The following OCA2 variants were observed in gnomAD, a reference collection of about 807,000 sequenced individuals.
OCA2 encodes P protein.
Under a neutral mutation model 100.2 loss-of-function variants are expected in OCA2, and 77 were observed. The observed-to-expected ratio is 0.77, with a 90% CI of 0.64 to 0.93. The LOEUF (loss-of-function observed/expected upper bound fraction) is 0.93. Ranked by LOEUF, OCA2 falls within the 40% of genes least tolerant of loss-of-function variation. The pLI is 0.00. For missense variants in OCA2, 1,062 were observed against 1,089.1 expected (o/e 0.98, Z 0.35); for synonymous variants, 432 against 439.2 (o/e 0.98, Z 0.21).
intron 2 of OCA2, among the ~76,000 whole-genome samples, chr15:28,065,330 C>T (rs900758854): frequency 1.6e-4 from 24 of 152,156 alleles, no homozygotes; most frequent in African/African-American, 5.8e-4. Flanking sequence ...GAATCTCCTA[C>T]AGCTTTTGCA....
intron 2 of OCA2, among the ~76,000 whole-genome samples, chr15:28,051,595 C>CTT (rs11292828): frequency 0.095 from 7,829 of 82,508 alleles, 1,127 homozygotes; most frequent in African/African-American, 0.23. Context: ...CCTGGCCTTC[C>CTT]TTTTTTTTTT....
At chr15:27,953,980 G>A (rs2040125686) in intron 17 of OCA2, among the ~76,000 whole-genome samples, 1 of 151,904 alleles carries the variant, frequency 6.6e-6, no homozygotes, top group Non-Finnish European at 1.5e-5. Context: ...TCATAGGTTG[G>A]CTCCCACTTA....
rs142741209 is a variant in OCA2, at chr15:27,829,544, A to T, written c.2432+15415T>A. ...AGATATGCAGTGACAAGGGCCACAG[A>T]CACACTGCCAAGGGGGCTGGCTTCA... is the stretch of plus-strand genomic sequence containing the variant. On this transcript the variant is annotated intron_variant, in intron 23 of 23. Coordinates refer to ENST00000354638, the MANE Select transcript of OCA2 (RefSeq NM_000275.3). 2.6e-5 allele frequency among the ~76,000 whole-genome samples: 4 copies of T among 152,320 alleles called. No homozygotes were observed. The East Asian group carries it at 7.7e-4, about 29-fold the overall frequency.
intron 19 of OCA2, among the ~76,000 whole-genome samples, chr15:27,913,640 CA>C (rs2038485668): frequency 6.6e-6 from 1 of 151,268 alleles, no homozygotes; most frequent in African/African-American, 2.4e-5. Flanking sequence ...AAAGTGGGGC[CA>C]AAACTGCCAT....
At chr15:28,077,223 A>C (rs1414281690) in intron 2 of OCA2, among the ~76,000 whole-genome samples, 6 of 151,770 alleles carry the variant, frequency 4.0e-5, no homozygotes, top group Non-Finnish European at 5.9e-5. Context: ...CCAGGCCCGG[A>C]TAATTTTGTA....
chr15:27,777,588 G>GTA (rs1461216620), intron 23 of OCA2, among the ~76,000 whole-genome samples: 10 of 152,164 alleles, frequency 6.6e-5, no homozygotes, highest in African/African-American at 1.9e-4. Context: ...TTGTCCATGT[G>GTA]CACACATTTT....
chr15:27,977,879 G>A (rs569811198), intron 14 of OCA2, among the ~76,000 whole-genome samples: 23 of 152,324 alleles, frequency 1.5e-4, no homozygotes, highest in African/African-American at 5.3e-4. Context: ...CTGCAAGCCT[G>A]GAAGACAGCC....
At chr15:27,729,677 G>A in the OCA2 span, among the ~76,000 whole-genome samples, 1 of 152,084 alleles carries the variant, frequency 6.6e-6, no homozygotes, top group African/African-American at 2.4e-5. Flanking sequence ...CTCTGCCTAT[G>A]GCGGGAAAAA....
chr15:27,978,709 C>T lies in OCA2; in HGVS notation c.1503+4636G>A, dbSNP rs565425449. On this transcript the variant is annotated intron_variant, in intron 14 of 23. Coordinates refer to ENST00000354638, the MANE Select transcript of OCA2 (RefSeq NM_000275.3). ...AGAGACATTTTTTTTTTTCCTGAGA[C>T]GGAGTTTCACTCGTCACCCAGGCTG... is the stretch of plus-strand genomic sequence containing the variant. 1.3e-4 allele frequency among the ~76,000 whole-genome samples: 20 copies of T among 149,686 alleles called. No homozygotes were observed. The East Asian group carries it at 1.4e-3, about 10-fold the overall frequency.
At chr15:27,942,837 A>C (rs2039698258) in intron 18 of OCA2, among the ~76,000 whole-genome samples, 1 of 152,080 alleles carries the variant, frequency 6.6e-6, no homozygotes, top group Non-Finnish European at 1.5e-5. Context: ...ATATTACTTT[A>C]CATTATGTTA....
intron 9 of OCA2, among the ~76,000 whole-genome samples, chr15:27,997,216 GGAAA>G (rs980451355): frequency 5.1e-4 from 67 of 130,794 alleles, no homozygotes; most frequent in African/African-American, 1.6e-3. Context: ...ATAAAGGAAA[GGAAA>G]GAAAGAAAGG....
intron 19 of OCA2, among the ~76,000 whole-genome samples, chr15:27,901,825 C>G (rs2037948978): frequency 6.6e-6 from 1 of 152,212 alleles, no homozygotes; most frequent in Non-Finnish European, 1.5e-5. Context: ...CAGGTCACAA[C>G]TGTTCAACCC....
intron 9 of OCA2, among the ~76,000 whole-genome samples, chr15:27,993,043 G>A (rs992742372): frequency 6.6e-6 from 1 of 152,164 alleles, no homozygotes; most frequent in Non-Finnish European, 1.5e-5. Context: ...AGAATTGCTT[G>A]AGCCCTGGAG....
intron 5 of OCA2, among the ~76,000 whole-genome samples, chr15:28,023,387 C>T (rs1049155853): frequency 7.2e-5 from 11 of 152,208 alleles, no homozygotes; most frequent in African/African-American, 2.7e-4. Context: ...GCACTGACTT[C>T]GTACACCACC....
chr15:27,726,069 G>C, the OCA2 span, among the ~76,000 whole-genome samples: 1 of 151,930 alleles, frequency 6.6e-6, no homozygotes, highest in Non-Finnish European at 1.5e-5. Context: ...GCCTAAGGCG[G>C]GTGGATCACC....
At chr15:27,818,702 A>G (rs2034398791) in intron 23 of OCA2, among the ~76,000 whole-genome samples, 1 of 152,176 alleles carries the variant, frequency 6.6e-6, no homozygotes, top group South Asian at 2.1e-4. Flanking sequence ...CTGTTGGGAG[A>G]AAACACTCTA....
chr15:27,734,665 C>T, the OCA2 span, among the ~76,000 whole-genome samples: 1 of 152,230 alleles, frequency 6.6e-6, no homozygotes, highest in Non-Finnish European at 1.5e-5. Context: ...TTATAATAGG[C>T]CTGGGTTTGG....
chr15:27,734,788 C>T, the OCA2 span, among the ~76,000 whole-genome samples: 3 of 152,176 alleles, frequency 2.0e-5, no homozygotes, highest in East Asian at 5.8e-4. Context: ...CCACATTGGC[C>T]CTAGCTGCCC....
intron 19 of OCA2, among the ~76,000 whole-genome samples, chr15:27,893,935 TC>T (rs1468489141): frequency 6.6e-6 from 1 of 152,188 alleles, no homozygotes; most frequent in Non-Finnish European, 1.5e-5. Flanking sequence ...TATTAGTGGT[TC>T]TGCTTTTTGC....
Sources: allele counts gnomAD v4.1 joint callset (sites outside exome capture counted in the v4.1 genomes callset), GRCh38; gene constraint gnomAD v4.1.1; transcripts MANE v1.5; gene names NCBI Gene and HGNC (gene_info 2026-07-23, HGNC 2026-07-21).